The following AGBL1 variants were observed in gnomAD, a reference collection of about 807,000 sequenced individuals.
AGBL1 encodes the protein AGBL carboxypeptidase 1, also known as cytosolic carboxypeptidase 4.
AGBL1 carries 130 observed loss-of-function variants against 118.9 expected under a neutral mutation model. That is an observed-to-expected ratio of 1.09 (90% confidence interval 0.95 to 1.26). The LOEUF is 1.26. Among genes scored for constraint, AGBL1 ranks in the 50% most tolerant of loss-of-function variants. The probability of loss-of-function intolerance (pLI) is 0.00; values close to 1 mark genes in which losing one functional copy is unlikely to be tolerated. For synonymous variants in AGBL1, 555 were observed against 478.9 expected, an observed-to-expected ratio of 1.16 and a Z score of -2.08; for missense variants, 1,584 against 1,298.1, an observed-to-expected ratio of 1.22 and a Z score of -3.38.
At chr15:86,671,194 ACATTTT>A (rs2085740386) in intron 21 of AGBL1, among the ~76,000 whole-genome samples, 1 of 152,114 alleles carries the variant, frequency 6.6e-6, no homozygotes, top group Non-Finnish European at 1.5e-5. Context: ...CCGTTGTGCC[ACATTTT>A]CTCTTTCTTT....
intron 22 of AGBL1, among the ~76,000 whole-genome samples, chr15:86,878,533 C>T (rs903056614): frequency 6.6e-6 from 1 of 152,034 alleles, no homozygotes; most frequent in Non-Finnish European, 1.5e-5. Context: ...TTCTATTTTC[C>T]TCCTTTCTCC....
Position 86,849,517 on chromosome 15 carries a change from CT to C in AGBL1, c.3159-57555del, listed in dbSNP as rs68185029. Among the ~76,000 whole-genome samples the C allele has an allele frequency of 7.5e-3, 1,031 of 136,726 alleles. 12 individuals carry two copies. The highest frequency in any genetic ancestry group is 0.022 in the African/African-American group (825 of 37,352). The allele number at this position is 136,726 out of a possible 152,430, so 89.7% of individuals were successfully genotyped here. Reference sequence around the variant, plus strand: ...AGGTGATGGCTTTCTTTCTTTCTTTCTTTTTTTTTTTTTTTGGCTGATCTTA... The same window carrying C: ...AGGTGATGGCTTTCTTTCTTTCTTTCTTTTTTTTTTTTTTGGCTGATCTTA... On this transcript the variant is annotated intron_variant, in intron 22 of 22. Coordinates refer to ENST00000614907, the MANE Select transcript of AGBL1 (RefSeq NM_001386094.1).
intron 1 of AGBL1, among the ~76,000 whole-genome samples, chr15:86,083,123 G>A (rs1390301454): frequency 6.6e-6 from 1 of 152,158 alleles, no homozygotes; most frequent in African/African-American, 2.4e-5. Flanking sequence ...CAGTGGAGAG[G>A]CTGGGAACAC....
At chr15:86,350,649 G>A (rs1216581905) in intron 17 of AGBL1, among the ~76,000 whole-genome samples, 2 of 152,146 alleles carry the variant, frequency 1.3e-5, no homozygotes, top group Non-Finnish European at 2.9e-5. Flanking sequence ...GAAAATGATG[G>A]GCCATGGTCT....
intron 17 of AGBL1, among the ~76,000 whole-genome samples, chr15:86,343,749 T>C (rs1221278395): frequency 1.3e-5 from 2 of 152,148 alleles, no homozygotes; most frequent in African/African-American, 4.8e-5. Flanking sequence ...TGCCTGTGGG[T>C]TCTCAAGTTT....
At chr15:86,492,989 C>T (rs961894952) in intron 18 of AGBL1, among the ~76,000 whole-genome samples, 7 of 152,068 alleles carry the variant, frequency 4.6e-5, no homozygotes, top group Non-Finnish European at 8.8e-5. Flanking sequence ...GAGATCCAGA[C>T]CATCCTGGCC....
intron 21 of AGBL1, among the ~76,000 whole-genome samples, chr15:86,653,732 A>C (rs1235590702): frequency 6.6e-6 from 1 of 152,168 alleles, no homozygotes; most frequent in Non-Finnish European, 1.5e-5. Flanking sequence ...GAAAGAGCTC[A>C]TTTCAAATAT....
At chr15:86,660,555 G>A (rs1308407265) in intron 21 of AGBL1, among the ~76,000 whole-genome samples, 1 of 151,692 alleles carries the variant, frequency 6.6e-6, no homozygotes, top group East Asian at 1.9e-4. Context: ...ATCCAATATA[G>A]TCAACACATT....
intron 5 of AGBL1, among the ~76,000 whole-genome samples, chr15:86,185,695 G>T (rs2077620862): frequency 7.1e-6 from 1 of 140,454 alleles, no homozygotes; most frequent in African/African-American, 2.6e-5. Flanking sequence ...TCATAGGTGG[G>T]AATTGAACAA....
At chr15:86,153,004 G>A (rs2077135917) in intron 3 of AGBL1, among the ~76,000 whole-genome samples, 1 of 152,150 alleles carries the variant, frequency 6.6e-6, no homozygotes, top group Non-Finnish European at 1.5e-5. Flanking sequence ...TAAAAAGTCA[G>A]GAAACAACAG....
rs147475993 is a variant in AGBL1, at chr15:86,104,393, T to A, written c.51+24370T>A. The stretch of plus-strand genomic sequence containing the variant: ...GACAGGCAGCTGGGGAGTATATGCT[T>A]TCACCCCAGTTGATGGCTGCAGGTA... On this transcript the variant is annotated intron_variant, in intron 1 of 22. Coordinates refer to ENST00000614907, the MANE Select transcript of AGBL1 (RefSeq NM_001386094.1). 3.6e-3 allele frequency among the ~76,000 whole-genome samples: 551 copies of A among 152,260 alleles called. 2 individuals carry two copies. Among genetic ancestry groups the A allele is most frequent in the Admixed American group, 6.6e-3 (101 of 15,302 alleles).
At chr15:86,577,841 G>GTTT (rs1182394022) in intron 21 of AGBL1, among the ~76,000 whole-genome samples, 1 of 152,186 alleles carries the variant, frequency 6.6e-6, no homozygotes, top group Non-Finnish European at 1.5e-5. Context: ...AAGAACTGGG[G>GTTT]GTTTGGGAAC....
chr15:86,548,643 C>CCACACA (rs1188981146), intron 20 of AGBL1, among the ~76,000 whole-genome samples: 1 of 136,156 alleles, frequency 7.3e-6, no homozygotes, highest in Non-Finnish European at 1.5e-5. Context: ...AGAAGGATAG[C>CCACACA]CACACACACA....
intron 7 of AGBL1, among the ~76,000 whole-genome samples, chr15:86,249,708 C>T (rs1236547302): frequency 3.3e-5 from 5 of 152,152 alleles, no homozygotes; most frequent in Admixed American, 6.5e-5. Flanking sequence ...CCTCTGCCCT[C>T]CATGTTATTG....
chr15:87,021,985 T>C (rs1403702402), intron 24 of AGBL1, among the ~76,000 whole-genome samples: 1 of 151,918 alleles, frequency 6.6e-6, no homozygotes, highest in Non-Finnish European at 1.5e-5. Flanking sequence ...CTGCAGAAAA[T>C]CCCCAGTACT....
At chr15:86,330,798 G>A (rs1214664033) in intron 17 of AGBL1, among the ~76,000 whole-genome samples, 1 of 151,562 alleles carries the variant, frequency 6.6e-6, no homozygotes, top group Non-Finnish European at 1.5e-5. Context: ...TTCTGGAATT[G>A]GAAAAAAAAT....
At chr15:86,133,960 C>A (rs1400633483) in intron 1 of AGBL1, among the ~76,000 whole-genome samples, 1 of 152,144 alleles carries the variant, frequency 6.6e-6, no homozygotes, top group Non-Finnish European at 1.5e-5. Flanking sequence ...CCATGCCAAC[C>A]CCCACCATTA....
chr15:86,683,669 A>G (rs974283915), intron 22 of AGBL1, among the ~76,000 whole-genome samples: 3 of 152,178 alleles, frequency 2.0e-5, no homozygotes, highest in Admixed American at 1.3e-4. Context: ...TGAAAATAGA[A>G]TAGGCTACCA....
rs556147434 is a variant in AGBL1 at position 86,579,493 on chromosome 15, G to A, written c.2994+24956G>A. Among the ~76,000 whole-genome samples the A allele has an allele frequency of 7.2e-4, 109 of 152,248 alleles. No individual in the cohort carries two copies. In the South Asian group the frequency reaches 0.019, roughly 27 times the overall value. ...AAGCTGATATTTCTACTTTCTCCAC[G>A]TAAGTCTCAATGCACTGAGAAAAAT... is the stretch of plus-strand genomic sequence containing the variant. On this transcript the variant is annotated intron_variant, in intron 21 of 22. Coordinates refer to ENST00000614907, the MANE Select transcript of AGBL1 (RefSeq NM_001386094.1).
Sources: allele counts gnomAD v4.1 joint callset (sites outside exome capture counted in the v4.1 genomes callset), GRCh38; gene constraint gnomAD v4.1.1; transcripts MANE v1.5; gene names NCBI Gene and HGNC (gene_info 2026-07-23, HGNC 2026-07-21).